ZHX3: variants seen among roughly 807,000 people sequenced by gnomAD.
ZHX3 encodes zinc fingers and homeoboxes protein 3.
Under a neutral mutation model 64.5 loss-of-function variants are expected in ZHX3, and 20 were observed. The observed-to-expected ratio is 0.31, with a 90% CI of 0.22 to 0.45. The LOEUF is 0.45. ZHX3 is among the 20% of genes least tolerant of loss of function. The pLI is 1.00. For missense variants in ZHX3, 1,041 were observed against 1,195.8 expected, an observed-to-expected ratio of 0.87 and a Z score of 1.91; for synonymous variants, 423 against 461.6, an observed-to-expected ratio of 0.92 and a Z score of 1.07.
chr20:41,184,762 A>AT lies in ZHX3; in HGVS notation c.*428dup. The AT allele has an allele frequency of 4.3e-6, 4 of 929,790 alleles. No homozygotes were observed. The highest frequency in any genetic ancestry group is 6.3e-6 in the Non-Finnish European group (4 of 639,226). 57.6% of individuals were successfully genotyped at this position (929,790 alleles called of 1,614,324 possible). ...AATCCCCAGAGAACAGACACAGGTC[A>AT]TTTTTAGAGATGACGTAACTGACAA... On this transcript the variant is annotated 3_prime_UTR_variant, in exon 4 of 4. Transcript: ENST00000683867.
At chr20:41,313,084 G>A (rs943499903) in intron 1 of ZHX3, among the ~76,000 whole-genome samples, 1 of 152,212 alleles carries the variant, frequency 6.6e-6, no homozygotes, top group African/African-American at 2.4e-5. Context: ...TGGGTTGCAT[G>A]TGGAGTGAGG....
Position 41,180,418 on chromosome 20 carries a change from G to C in ZHX3, c.*4773C>G, listed in dbSNP as rs903455156. The C allele has an allele frequency of 4.6e-5, 7 of 152,292 alleles. No individual in the cohort carries two copies. Among genetic ancestry groups the C allele is most frequent in the African/African-American group, 1.7e-4 (7 of 41,458 alleles). 9.4% of individuals were successfully genotyped at this position (152,292 alleles called of 1,614,324 possible). The stretch of plus-strand genomic sequence containing the variant: ...GCCTAGTCTCATCCCCAGCCTCTGG[G>C]TTCCCTCCCCTGCTCTAGACTTCAG... On this transcript the variant is annotated 3_prime_UTR_variant, in exon 4 of 4. Coordinates refer to ENST00000683867, the MANE Select transcript of ZHX3 (RefSeq NM_001384317.1).
intron 1 of ZHX3, among the ~76,000 whole-genome samples, chr20:41,294,135 A>G (rs2044384534): frequency 6.6e-6 from 1 of 152,228 alleles, no homozygotes; most frequent in Non-Finnish European, 1.5e-5. Flanking sequence ...AGGGAGTAGT[A>G]GCTCAGGGGA....
Position 41,181,862 on chromosome 20 carries a change from GCA to G in ZHX3, c.*3327_*3328del, listed in dbSNP as rs1313391731. On this transcript the variant is annotated 3_prime_UTR_variant, in exon 4 of 4. Transcript: ENST00000683867. ...AACTTCCTCCTTGTGCTACTAGAGA[GCA>G]CAGTGTGGAGTCCTTGTGTCAAGGT... 1 of 152,216 alleles carries G rather than the reference GCA, an allele frequency of 6.6e-6. No homozygotes were observed. The highest frequency in any genetic ancestry group is 1.5e-5 in the Non-Finnish European group (1 of 68,062). 9.4% of individuals were successfully genotyped at this position (152,216 alleles called of 1,614,324 possible).
intron 3 of ZHX3, among the ~76,000 whole-genome samples, chr20:41,194,923 A>C (rs923169484): frequency 1.3e-5 from 2 of 151,884 alleles, no homozygotes. Flanking sequence ...TTCCTTTCTG[A>C]TGTTAGTAAT....
At chr20:41,196,563 TAATATATATAAA>T (rs1185007314) in intron 3 of ZHX3, 1 of 66,030 alleles carries the variant, frequency 1.5e-5, no homozygotes, top group Non-Finnish European at 2.7e-5. Flanking sequence ...ATATTATATA[TAATATATATAAA>T]AATATATATA....
chr20:41,303,320 T>C (rs77192727), intron 1 of ZHX3, among the ~76,000 whole-genome samples: 10,744 of 152,308 alleles, frequency 0.071, 408 homozygotes, highest in Middle Eastern at 0.17. Context: ...ATAGGTAGTC[T>C]AGTAGAACTG....
At chr20:41,197,859 C>T (rs1371477564) in intron 3 of ZHX3, among the ~76,000 whole-genome samples, 3 of 152,084 alleles carry the variant, frequency 2.0e-5, no homozygotes, top group African/African-American at 7.2e-5. Context: ...ATCTTACATT[C>T]TATGCCCATT....
intron 2 of ZHX3, among the ~76,000 whole-genome samples, chr20:41,246,452 C>G (rs1386604144): frequency 6.6e-6 from 1 of 152,088 alleles, no homozygotes; most frequent in Non-Finnish European, 1.5e-5. Flanking sequence ...TGGGCTTTCC[C>G]CTAAACCAAT....
chr20:41,305,114 A>C (rs942950312), intron 1 of ZHX3, among the ~76,000 whole-genome samples: 3 of 152,246 alleles, frequency 2.0e-5, no homozygotes, highest in Non-Finnish European at 4.4e-5. Flanking sequence ...ACATTTTATG[A>C]GTAAAATTGA....
At chr20:41,238,205 C>T (rs963313305) in intron 2 of ZHX3, among the ~76,000 whole-genome samples, 2 of 152,130 alleles carry the variant, frequency 1.3e-5, no homozygotes, top group African/African-American at 4.8e-5. Flanking sequence ...GCACTCAATA[C>T]CCATTATTTG....
At position 41,185,874 on chromosome 20, in the gene ZHX3, C is replaced by G. The variant is rs1222969668; in HGVS notation, c.2861-673G>C. 6.6e-6 allele frequency: 1 copy of G among 152,332 alleles called. No individual in the cohort carries two copies. Among genetic ancestry groups the G allele is most frequent in the Admixed American group, 6.5e-5 (1 of 15,290 alleles). The allele number at this position is 152,332 out of a possible 1,614,324, so 9.4% of individuals were successfully genotyped here. A position where few individuals can be genotyped will look rare whatever the true frequency, so the allele number is the denominator to read the frequency against. ...CAATGGCCACCCCCTGCCATTCCTG[C>G]TCTGTCCCACAAAGGACAGCAACAT... On this transcript the variant is annotated intron_variant, in intron 3 of 3. Coordinates refer to ENST00000683867, the MANE Select transcript of ZHX3 (RefSeq NM_001384317.1). This position sits in a 1 kb window ranked among gnomAD's most constrained non-coding sequence, Gnocchi z 5.0.
intron 1 of ZHX3, among the ~76,000 whole-genome samples, chr20:41,282,606 T>C (rs931115579): frequency 1.4e-4 from 22 of 152,024 alleles, no homozygotes; most frequent in African/African-American, 5.1e-4. Flanking sequence ...GATCTATCCA[T>C]CTCGGCCTCC....
intron 1 of ZHX3, among the ~76,000 whole-genome samples, chr20:41,280,559 AGCTAT>A (rs1181672263): frequency 2.0e-5 from 3 of 152,158 alleles, no homozygotes; most frequent in African/African-American, 7.2e-5. Context: ...AAAAAAACAA[AGCTAT>A]GTTTTTCTGT....
intron 1 of ZHX3, among the ~76,000 whole-genome samples, chr20:41,274,884 G>A (rs1197897136): frequency 5.1e-5 from 5 of 98,030 alleles, no homozygotes; most frequent in Middle Eastern, 4.5e-3. Flanking sequence ...GGCCAGGTGC[G>A]GTGGCTTAAT....
chr20:41,227,430 T>C (rs142834458), intron 2 of ZHX3, among the ~76,000 whole-genome samples: 2 of 152,312 alleles, frequency 1.3e-5, no homozygotes, highest in African/African-American at 4.8e-5. Flanking sequence ...CAACTATTTA[T>C]CAGGAATGAA....
At chr20:41,206,683 T>C (rs1484915514) in intron 2 of ZHX3, among the ~76,000 whole-genome samples, 3 of 152,192 alleles carry the variant, frequency 2.0e-5, no homozygotes, top group African/African-American at 7.2e-5. Context: ...TTGGTGTACC[T>C]GAAAATGACA....
intron 1 of ZHX3, among the ~76,000 whole-genome samples, chr20:41,311,055 G>A (rs747505774): frequency 7.2e-5 from 11 of 152,022 alleles, no homozygotes; most frequent in African/African-American, 1.2e-4. Flanking sequence ...TGATCCGCCC[G>A]CCTAGGCCTC....
In ZHX3 at chr20:41,210,753, C is replaced by T. The variant is rs145791593; in HGVS notation, c.-150-5687G>A. Among the ~76,000 whole-genome samples, 1,403 of 152,166 alleles carry T rather than the reference C, an allele frequency of 9.2e-3. 17 individuals carry two copies. Among genetic ancestry groups the T allele is most frequent in the Non-Finnish European group, 0.012 (832 of 68,002 alleles). ...ATACCTAATGTAAATGACAAGTTAACGAGTGCAGCACACCAACATGGCACA... is the reference window on the plus strand; with the variant it reads ...ATACCTAATGTAAATGACAAGTTAATGAGTGCAGCACACCAACATGGCACA... On this transcript the variant is annotated intron_variant, in intron 2 of 3. Transcript: ENST00000683867.
Sources: allele counts gnomAD v4.1 joint callset (sites outside exome capture counted in the v4.1 genomes callset), GRCh38; gene constraint gnomAD v4.1.1; non-coding constraint Gnocchi (gnomAD v3.1); transcripts MANE v1.5; gene names NCBI Gene and HGNC (gene_info 2026-07-23, HGNC 2026-07-21).